Variants in RANBP3L observed in about 807,000 individuals in gnomAD.
The protein encoded by RANBP3L is ran-binding protein 3-like.
A neutral mutation model predicts 67.2 loss-of-function variants in RANBP3L; 56 were observed. The observed-to-expected ratio is 0.83, with a 90% CI of 0.67 to 1.04. The LOEUF (loss-of-function observed/expected upper bound fraction) is 1.04, where lower values mean the gene tolerates loss of function less well. Among genes scored for constraint, RANBP3L ranks in the 50% least tolerant of loss-of-function variants. The pLI is 0.00. For synonymous variants in RANBP3L, 164 were observed against 181.4 expected (o/e 0.90, Z 0.77); for missense variants, 496 against 535.5 (o/e 0.93, Z 0.73).
chr5:36,279,448 T>A (rs1175985517), intron 1 of RANBP3L, among the ~76,000 whole-genome samples: 2 of 152,168 alleles, frequency 1.3e-5, no homozygotes, highest in African/African-American at 2.4e-5. Flanking sequence ...CATTACTAAC[T>A]GTGATGGGAC....
chr5:36,255,332 A>G, intron 11 of RANBP3L, 138 bp downstream of exon 11: 3 of 766,114 alleles, frequency 3.9e-6, no homozygotes, highest in Non-Finnish European at 5.8e-6. Context: ...GGAAGCTCCT[A>G]TAGAAATATT....
At chr5:36,253,938 C>G in intron 11 of RANBP3L, 149 bp from the exon 12 acceptor site, 1 of 673,062 alleles carries the variant, frequency 1.5e-6, no homozygotes, top group East Asian at 3.0e-5. Flanking sequence ...ACTTGATTTT[C>G]AAATCATACT....
chr5:36,261,337 A>T (rs1326823104), intron 7 of RANBP3L, among the ~76,000 whole-genome samples: 1 of 152,082 alleles, frequency 6.6e-6, no homozygotes, highest in Non-Finnish European at 1.5e-5. Context: ...GTTTTTCATG[A>T]TGAGAAACTC....
At chr5:36,296,973 G>C (rs1473656235) in intron 1 of RANBP3L, among the ~76,000 whole-genome samples, 1 of 150,616 alleles carries the variant, frequency 6.6e-6, no homozygotes, top group Non-Finnish European at 1.5e-5. Flanking sequence ...ATAATTGTGG[G>C]AGTGAATTTC....
intron 5 of RANBP3L, 99 bp downstream of exon 5, chr5:36,265,350 C>T (rs904025423): frequency 2.0e-5 from 16 of 800,608 alleles, no homozygotes; most frequent in Non-Finnish European, 2.6e-5. Context: ...TCACTCTGAC[C>T]TACCTCCATG....
chr5:36,265,312 C>T, intron 5 of RANBP3L, 137 bp downstream of exon 5: 3 of 685,158 alleles, frequency 4.4e-6, no homozygotes. Flanking sequence ...TGAAACCTGG[C>T]TTACTTGCAT....
chr5:36,271,709 G>A (rs1408361076), intron 1 of RANBP3L, among the ~76,000 whole-genome samples: 2 of 152,156 alleles, frequency 1.3e-5, no homozygotes, highest in South Asian at 2.1e-4. Context: ...TAGGTTAGAT[G>A]TGGAGGTAGA....
In RANBP3L at chr5:36,290,882, C is replaced by G. The variant is rs556068402; in HGVS notation, c.91+10444G>C. Among the ~76,000 whole-genome samples, 4 of 150,126 alleles carry G rather than the reference C, an allele frequency of 2.7e-5. No individual in the cohort carries two copies. In the South Asian group the frequency reaches 8.5e-4, roughly 32 times the overall value. On this transcript the variant is annotated intron_variant, in intron 1 of 13. Transcript: ENST00000296604. ...GAGTAGCTGGGACTACAGGCACATG[C>G]CACCATGCCTGGCTAATTTTTTTTT...
intron 13 of RANBP3L, among the ~76,000 whole-genome samples, chr5:36,250,797 T>C (rs369713927): frequency 3.9e-5 from 6 of 152,102 alleles, no homozygotes; most frequent in African/African-American, 1.4e-4. Context: ...CAACCTTACT[T>C]TATTTGTGAA....
chr5:36,252,874 T>G (rs1466401207), intron 12 of RANBP3L, among the ~76,000 whole-genome samples: 1 of 152,066 alleles, frequency 6.6e-6, no homozygotes, highest in South Asian at 2.1e-4. Flanking sequence ...ACTTTGGTTT[T>G]TCATCACAGG....
chr5:36,257,718 G>A (rs891477100), intron 8 of RANBP3L, among the ~76,000 whole-genome samples, 162 bp from the exon 9 acceptor site: 28 of 152,040 alleles, frequency 1.8e-4, no homozygotes, highest in Admixed American at 1.6e-3. Context: ...CAGAGAAATC[G>A]TCTCTATTGT....
chr5:36,281,395 A>G (rs906631357), intron 1 of RANBP3L, among the ~76,000 whole-genome samples: 13 of 152,198 alleles, frequency 8.5e-5, no homozygotes, highest in Non-Finnish European at 1.6e-4. Context: ...AGGCTCTAAA[A>G]TTACGGGACC....
intron 1 of RANBP3L, 150 bp from the exon 2 acceptor site, chr5:36,271,461 G>A: frequency 1.7e-6 from 1 of 598,458 alleles, no homozygotes; most frequent in Non-Finnish European, 3.0e-6. Context: ...ACTATCAATT[G>A]CACATTTATA....
chr5:36,251,857 C>T (rs1358143935), intron 12 of RANBP3L, among the ~76,000 whole-genome samples: 1 of 152,072 alleles, frequency 6.6e-6, no homozygotes, highest in Non-Finnish European at 1.5e-5. Flanking sequence ...ACTTCCATTT[C>T]CTGTCCATCA....
At chr5:36,264,828 C>T in intron 6 of RANBP3L, 131 bp downstream of exon 6, 1 of 750,640 alleles carries the variant, frequency 1.3e-6, no homozygotes, top group Non-Finnish European at 2.2e-6. Flanking sequence ...TTACCAAGGG[C>T]TTTATGCTAT....
chr5:36,297,497 A>G (rs1423163524), intron 1 of RANBP3L, among the ~76,000 whole-genome samples: 3 of 152,104 alleles, frequency 2.0e-5, no homozygotes, highest in African/African-American at 7.2e-5. Flanking sequence ...GCTTGACTAC[A>G]CTATTTCATT....
At chr5:36,251,016 A>G (rs1008539823) in intron 13 of RANBP3L, among the ~76,000 whole-genome samples, 13 of 152,238 alleles carry the variant, frequency 8.5e-5, no homozygotes, top group African/African-American at 3.1e-4. Context: ...AAATGAAAAT[A>G]AGTGAAGAGA....
At chr5:36,297,992 G>T (rs1752346742) in intron 1 of RANBP3L, among the ~76,000 whole-genome samples, 1 of 152,022 alleles carries the variant, frequency 6.6e-6, no homozygotes, top group Non-Finnish European at 1.5e-5. Context: ...CATATGGCAT[G>T]GGGGGTTAGA....
rs375516541 is a variant in RANBP3L at position 36,253,700 on chromosome 5, G to A, written c.1114C>T (p.Arg372Ter). 1.1e-4 allele frequency: 170 copies of A among 1,611,088 alleles called. 2 individuals carry two copies. The South Asian group carries it at 1.1e-3, about 10-fold the overall frequency. ...TCTTCTAAATCAGTAGCTGTTATTCGTACATTTTTGTGGTTTGCTCTTTGA... is the reference window on the plus strand; with the variant it reads ...TCTTCTAAATCAGTAGCTGTTATTCATACATTTTTGTGGTTTGCTCTTTGA... Reference protein sequence around the residue: ...KIQRANHKNVRITATDLEDYS... With the variant: ...KIQRANHKNV Residue 372 changes from arginine (R) to a stop codon, truncating the protein, a stop_gained, in exon 12 of 14, where the codon CGA becomes TGA. Coordinates refer to ENST00000296604, the MANE Select transcript of RANBP3L (RefSeq NM_145000.5). LOFTEE classifies it high-confidence loss of function.
Sources: allele counts gnomAD v4.1 joint callset (sites outside exome capture counted in the v4.1 genomes callset), GRCh38; gene constraint gnomAD v4.1.1; transcripts MANE v1.5; gene names NCBI Gene and HGNC (gene_info 2026-07-23, HGNC 2026-07-21).